Variants in PLEKHH2 observed in about 807,000 individuals in gnomAD.
The protein encoded by PLEKHH2 is pleckstrin homology, MyTH4 and FERM domain containing H2.
PLEKHH2 carries 129 observed loss-of-function variants against 187.9 expected under a neutral mutation model. The observed-to-expected ratio is 0.69, with a 90% CI of 0.59 to 0.79. The LOEUF is 0.79. Ranked by LOEUF, PLEKHH2 falls within the 30% of genes least tolerant of loss-of-function variation. PLEKHH2 has a pLI of 0.00. For missense variants in PLEKHH2, 2,076 were observed against 1,751.2 expected (o/e 1.19, Z -3.31); for synonymous variants, 686 against 605.6 (o/e 1.13, Z -1.95).
intron 2 of PLEKHH2, among the ~76,000 whole-genome samples, chr2:43,677,676 CCATTGTCAT>C (rs1476392824): frequency 2.6e-5 from 4 of 151,990 alleles, no homozygotes; most frequent in Non-Finnish European, 5.9e-5. Flanking sequence ...CACAAAACCG[CCATTGTCAT>C]CATGGCCCGT....
intron 20 of PLEKHH2, among the ~76,000 whole-genome samples, chr2:43,740,339 G>A (rs1671504855): frequency 6.6e-6 from 1 of 152,238 alleles, no homozygotes; most frequent in South Asian, 2.1e-4. Flanking sequence ...TTTAGTGGTT[G>A]AGCATTAACC....
chr2:43,681,232 G>C (rs148581981), intron 3 of PLEKHH2: 1 of 654,614 alleles, frequency 1.5e-6, no homozygotes. Flanking sequence ...TTATTAAAGC[G>C]ATCTTTTTTC....
At position 43,646,241 on chromosome 2, in the gene PLEKHH2, C is replaced by G. The variant is rs79593341; in HGVS notation, c.123+1445C>G. ...GTTGGAGAAGTTTTTTCTAACGTAACTTAGTGACTCATCTTTTATCTTTTG... is the reference window on the plus strand; with the variant it reads ...GTTGGAGAAGTTTTTTCTAACGTAAGTTAGTGACTCATCTTTTATCTTTTG... On this transcript the variant is annotated intron_variant, in intron 2 of 29. Transcript: ENST00000282406. 5.1e-3 allele frequency among the ~76,000 whole-genome samples: 772 copies of G among 152,236 alleles called. 1 individual carries two copies. The highest frequency in any genetic ancestry group is 0.01 in the Middle Eastern group (3 of 294).
chr2:43,736,943 A>C (rs1438352405), intron 19 of PLEKHH2, among the ~76,000 whole-genome samples: 1 of 152,156 alleles, frequency 6.6e-6, no homozygotes, highest in East Asian at 1.9e-4. Flanking sequence ...TATGTGCGGA[A>C]AGTACCTGAG....
chr2:43,764,450 G>T (rs1367051369), intron 29 of PLEKHH2, 85 bp downstream of exon 29: 2 of 1,387,428 alleles, frequency 1.4e-6, no homozygotes, highest in African/African-American at 1.5e-5. Context: ...AATGCTAATT[G>T]TTTTCATATT....
Position 43,692,526 on chromosome 2 carries a change from G to A in PLEKHH2, c.199G>A (p.Glu67Lys). 6.4e-7 allele frequency: 1 copy of A among 1,574,536 alleles called. No individual in the cohort carries two copies. Among genetic ancestry groups the A allele is most frequent in the Non-Finnish European group, 8.7e-7 (1 of 1,148,948 alleles). ...CCTTTGAATTTAGGTACAAGTTATG[G>A]AAGATAAATTAAAAGCAGCTAATAT... ...EKAFQQVQVM[E>K]DKLKAANIQT... The change falls in exon 4 of 30, where the codon GAA becomes AAA. Residue 67 changes from glutamate (E) to lysine (K), a missense_variant. By Grantham distance (56) the Glu-to-Lys change is moderately conservative (BLOSUM62 1). Coordinates refer to ENST00000282406, the MANE Select transcript of PLEKHH2 (RefSeq NM_172069.4).
intron 2 of PLEKHH2, among the ~76,000 whole-genome samples, chr2:43,669,709 A>AC (rs1667404763): frequency 6.6e-6 from 1 of 151,202 alleles, no homozygotes; most frequent in African/African-American, 2.4e-5. Context: ...AAAGGAAGAA[A>AC]CTTTTTTTTT....
intron 8 of PLEKHH2, 65 bp from the exon 9 acceptor site, chr2:43,703,916 C>CTTTTTTTTTT: frequency 1.3e-5 from 5 of 384,604 alleles, no homozygotes; most frequent in Admixed American, 4.0e-5. Flanking sequence ...TGAAAGTAGT[C>CTTTTTTTTTT]TTTTTTTTTT....
intron 20 of PLEKHH2, among the ~76,000 whole-genome samples, chr2:43,738,984 C>T (rs1572644731): frequency 1.3e-5 from 2 of 152,108 alleles, no homozygotes; most frequent in Admixed American, 6.5e-5. Context: ...CTCCGCCTCC[C>T]GGGTTCAAGC....
intron 2 of PLEKHH2, among the ~76,000 whole-genome samples, chr2:43,647,121 G>A (rs1269070280): frequency 6.6e-6 from 1 of 151,950 alleles, no homozygotes; most frequent in Admixed American, 6.6e-5. Flanking sequence ...GCTCTGTATA[G>A]GTATGGTATG....
chr2:43,759,112 G>C, intron 27 of PLEKHH2, 83 bp downstream of exon 27: 1 of 1,442,766 alleles, frequency 6.9e-7, no homozygotes, highest in Non-Finnish European at 9.2e-7. Flanking sequence ...TAGTATCCTT[G>C]GCTTTTGTAA....
At chr2:43,737,874 A>T (rs926829067) in intron 19 of PLEKHH2, among the ~76,000 whole-genome samples, 1 of 150,528 alleles carries the variant, frequency 6.6e-6, no homozygotes, top group Non-Finnish European at 1.5e-5. Flanking sequence ...ATCACGGAGG[A>T]CCACTTTGGA....
At chr2:43,669,645 A>G (rs1167361116) in intron 2 of PLEKHH2, among the ~76,000 whole-genome samples, 14 of 152,244 alleles carry the variant, frequency 9.2e-5, no homozygotes, top group Non-Finnish European at 7.3e-5. Context: ...AAGCAGAAGG[A>G]ACCGAAGAAT....
At chr2:43,666,345 G>GCACACCCACTGGCCTGCGCC (rs1667210799) in intron 2 of PLEKHH2, among the ~76,000 whole-genome samples, 1 of 151,052 alleles carries the variant, frequency 6.6e-6, no homozygotes, top group Admixed American at 6.6e-5. Context: ...CGCACGGTGC[G>GCACACCCACTGGCCTGCGCC]CACACCCACT....
intron 14 of PLEKHH2, chr2:43,711,766 G>A (rs1407872683): frequency 1.1e-5 from 4 of 380,518 alleles, no homozygotes; most frequent in Non-Finnish European, 1.4e-5. Flanking sequence ...GGTGGCAGGT[G>A]CCTGTAAGTC....
intron 2 of PLEKHH2, 112 bp from the exon 3 acceptor site, chr2:43,678,751 T>G: frequency 1.5e-6 from 1 of 676,904 alleles, no homozygotes; most frequent in Non-Finnish European, 2.6e-6. Flanking sequence ...GAGGTGGAGG[T>G]GGAGGTGGAG....
At chr2:43,740,437 G>A (rs1034697452) in intron 20 of PLEKHH2, among the ~76,000 whole-genome samples, 5 of 152,034 alleles carry the variant, frequency 3.3e-5, no homozygotes, top group Admixed American at 2.6e-4. Flanking sequence ...ACAGAGCGAA[G>A]GAAAAATAAA....
intron 8 of PLEKHH2, 54 bp from the exon 9 acceptor site, chr2:43,703,927 T>G: frequency 1.7e-6 from 1 of 600,444 alleles, no homozygotes; most frequent in South Asian, 2.4e-5. Flanking sequence ...TTTTTTTTTT[T>G]TTTTTTTTTT....
In PLEKHH2 at chr2:43,699,665, A is replaced by C; in HGVS notation, c.707A>C (p.Lys236Thr). 7 of 1,611,794 alleles carry C rather than the reference A, an allele frequency of 4.3e-6. No homozygotes were observed. Among genetic ancestry groups the C allele is most frequent in the Non-Finnish European group, 5.9e-6 (7 of 1,178,854 alleles). The change falls in exon 8 of 30, where the codon AAG becomes ACG. Residue 236 changes from lysine (K) to threonine (T), a missense_variant. Transcript: ENST00000282406. ...TTTCTAGAAATGGAAATTCCAGAAA[A>C]GTCTGTTGATAACCAAGTTCTAGAA... The part of the protein sequence containing the change: ...KDMEEMEIPE[K>T]SVDNQVLENN...
Sources: allele counts gnomAD v4.1 joint callset (sites outside exome capture counted in the v4.1 genomes callset), GRCh38; gene constraint gnomAD v4.1.1; transcripts MANE v1.5; gene names NCBI Gene and HGNC (gene_info 2026-07-23, HGNC 2026-07-21).